TBC1D5: variants seen among roughly 807,000 people sequenced by gnomAD.
TBC1D5 encodes TBC1 domain family member 5.
A neutral mutation model predicts 100.3 loss-of-function variants in TBC1D5; 75 were observed. The ratio of observed to expected loss-of-function variants is 0.75; its 90% CI spans 0.62 to 0.91. The LOEUF (loss-of-function observed/expected upper bound fraction) is 0.91, where lower values mean the gene tolerates loss of function less well. Among genes scored for constraint, TBC1D5 ranks in the 40% least tolerant of loss-of-function variants. The pLI is 0.00. For missense variants in TBC1D5, 910 were observed against 942.4 expected (o/e 0.97, Z 0.45); for synonymous variants, 323 against 325.6 (o/e 0.99, Z 0.09).
exon 18 of TBC1D5, chr3:17,214,250 G>A: frequency 6.2e-7 from 1 of 1,613,476 alleles, no homozygotes; most frequent in Non-Finnish European, 8.5e-7. Context: ...GCGAGAACGT[G>A]AGATGTTGCT....
At chr3:17,652,962 T>G (rs1314679997) in intron 1 of TBC1D5, among the ~76,000 whole-genome samples, 1 of 152,192 alleles carries the variant, frequency 6.6e-6, no homozygotes, top group Non-Finnish European at 1.5e-5. Context: ...CGACATATTG[T>G]TCAGCCATAA....
rs183882480 is a variant in TBC1D5 at position 17,465,904 on chromosome 3, G to C, written c.98-37385C>G. On this transcript the variant is annotated intron_variant, in intron 3 of 21. Transcript: ENST00000253692. The stretch of plus-strand genomic sequence containing the variant: ...TACCAAACAAAGTCAGTTCAGCAGG[G>C]CAATTCCTGGAGGAACATATTTTTA... Among the ~76,000 whole-genome samples the C allele has an allele frequency of 1.6e-4, 25 of 152,302 alleles. No homozygotes were observed. The East Asian group carries it at 4.8e-3, about 29-fold the overall frequency.
At chr3:17,534,332 G>T (rs113569783) in intron 2 of TBC1D5, among the ~76,000 whole-genome samples, 2 of 152,060 alleles carry the variant, frequency 1.3e-5, no homozygotes, top group Non-Finnish European at 2.9e-5. Flanking sequence ...TACATAAAAA[G>T]ATACTTCTCA....
chr3:17,589,581 G>A (rs534064161), intron 2 of TBC1D5, among the ~76,000 whole-genome samples: 2 of 152,316 alleles, frequency 1.3e-5, no homozygotes, highest in East Asian at 3.9e-4. Flanking sequence ...CCATGATTGT[G>A]AGGCCTCCCC....
intron 15 of TBC1D5, among the ~76,000 whole-genome samples, chr3:17,286,599 A>C (rs971812090): frequency 7.9e-5 from 12 of 152,250 alleles, no homozygotes; most frequent in South Asian, 2.1e-4. Context: ...TACCATGTGC[A>C]GACTATAGGA....
At chr3:17,556,433 C>T (rs373718027) in intron 2 of TBC1D5, among the ~76,000 whole-genome samples, 3 of 152,156 alleles carry the variant, frequency 2.0e-5, no homozygotes, top group African/African-American at 7.2e-5. Context: ...ACTACTCAAT[C>T]TAGGCTCTCC....
chr3:17,214,217 C>A, exon 18 of TBC1D5: 1 of 1,609,832 alleles, frequency 6.2e-7, no homozygotes, highest in South Asian at 1.1e-5. Flanking sequence ...AGATTCTTTT[C>A]TGCCCATAGT....
intron 3 of TBC1D5, among the ~76,000 whole-genome samples, chr3:17,493,603 C>T (rs965422114): frequency 1.3e-5 from 2 of 152,144 alleles, no homozygotes; most frequent in Non-Finnish European, 2.9e-5. Context: ...CCCCATAGTT[C>T]TCAGAGGTTT....
At chr3:17,345,195 T>C (rs1443276206) in intron 13 of TBC1D5, among the ~76,000 whole-genome samples, 1 of 152,002 alleles carries the variant, frequency 6.6e-6, no homozygotes, top group Non-Finnish European at 1.5e-5. Flanking sequence ...ATATCCAGAA[T>C]CTACAATGAA....
At chr3:17,187,742 T>G (rs1466138957) in intron 18 of TBC1D5, among the ~76,000 whole-genome samples, 1 of 152,136 alleles carries the variant, frequency 6.6e-6, no homozygotes, top group African/African-American at 2.4e-5. Context: ...GAAGCCAGAG[T>G]TTGATAGTCT....
At chr3:17,380,045 A>ATATGTGTGTGTGTG (rs61397296) in intron 9 of TBC1D5, among the ~76,000 whole-genome samples, 3 of 112,492 alleles carry the variant, frequency 2.7e-5, no homozygotes, top group South Asian at 2.8e-4. Flanking sequence ...GTGACTGTGT[A>ATATGTGTGTGTGTG]TGTGTGTGTG....
intron 2 of TBC1D5, among the ~76,000 whole-genome samples, chr3:17,588,059 A>AAGTAACACTACAATCAGTGTACT (rs1350120799): frequency 1.3e-5 from 2 of 152,120 alleles, no homozygotes; most frequent in African/African-American, 4.8e-5. Flanking sequence ...TAACAAGAAA[A>AAGTAACACTACAATCAGTGTACT]AGTAACACTA....
At chr3:17,601,359 A>T (rs2060927853) in intron 2 of TBC1D5, among the ~76,000 whole-genome samples, 1 of 152,124 alleles carries the variant, frequency 6.6e-6, no homozygotes, top group South Asian at 2.1e-4. Flanking sequence ...AAAAAATACA[A>T]AATTAGCCGG....
chr3:17,302,480 G>A (rs559309795), intron 14 of TBC1D5, among the ~76,000 whole-genome samples: 2 of 152,108 alleles, frequency 1.3e-5, no homozygotes. Flanking sequence ...TTGTTGAGGG[G>A]GGGGATACAA....
At chr3:17,513,420 AGTTT>A (rs1225217315) in intron 2 of TBC1D5, among the ~76,000 whole-genome samples, 1 of 152,182 alleles carries the variant, frequency 6.6e-6, no homozygotes, top group Non-Finnish European at 1.5e-5. Context: ...ATAATAAGTT[AGTTT>A]AATAATATTT....
chr3:17,613,578 C>T (rs2061868140), intron 2 of TBC1D5, among the ~76,000 whole-genome samples: 1 of 152,234 alleles, frequency 6.6e-6, no homozygotes, highest in South Asian at 2.1e-4. Flanking sequence ...GATCGCCATT[C>T]TAACTGGCAT....
At chr3:17,319,500 A>G (rs2085113346) in intron 13 of TBC1D5, among the ~76,000 whole-genome samples, 1 of 151,884 alleles carries the variant, frequency 6.6e-6, no homozygotes. Context: ...TACAATAAGA[A>G]GCAATTTTCC....
chr3:17,678,377 C>T (rs1471874487), intron 1 of TBC1D5, among the ~76,000 whole-genome samples: 1 of 152,096 alleles, frequency 6.6e-6, no homozygotes, highest in Non-Finnish European at 1.5e-5. Context: ...CATGAAATTG[C>T]TTCTTCTCCC....
chr3:17,242,764 G>A (rs1377555743), intron 16 of TBC1D5, among the ~76,000 whole-genome samples: 1 of 152,080 alleles, frequency 6.6e-6, no homozygotes, highest in East Asian at 1.9e-4. Flanking sequence ...AGGAATGGAA[G>A]TGGGAAAATG....
Sources: gnomAD v4.1 joint callset for allele counts (sites outside exome capture counted in the v4.1 genomes callset) on GRCh38, gnomAD v4.1.1 for gene constraint, MANE v1.5 for transcripts, NCBI Gene and HGNC (gene_info 2026-07-23, HGNC 2026-07-21) for gene names.